NAALADL2: variants seen among roughly 807,000 people sequenced by gnomAD.
NAALADL2 encodes the protein N-acetylated alpha-linked acidic dipeptidase like 2.
In NAALADL2, 76 loss-of-function variants were observed where a neutral mutation model predicts 87.2. That is an observed-to-expected ratio of 0.87 (90% CI 0.72 to 1.05). NAALADL2 has a LOEUF of 1.05. NAALADL2 is among the 50% of genes least tolerant of loss of function. NAALADL2 has a pLI of 0.00. For missense variants in NAALADL2, 1,089 were observed against 945.8 expected (o/e 1.15, Z -1.99); for synonymous variants, 354 against 331.0 (o/e 1.07, Z -0.75).
chr3:175,028,710 A>G (rs1374712990), intron 1 of NAALADL2, among the ~76,000 whole-genome samples: 1 of 152,034 alleles, frequency 6.6e-6, no homozygotes, highest in African/African-American at 2.4e-5. Flanking sequence ...CATAAGCTAA[A>G]TTATCAAAAA....
chr3:175,364,499 C>A (rs980702008), intron 5 of NAALADL2, among the ~76,000 whole-genome samples: 4 of 147,406 alleles, frequency 2.7e-5, no homozygotes, highest in Non-Finnish European at 6.0e-5. Context: ...ACCAGTTATC[C>A]GCTGTTTTTT....
intron 2 of NAALADL2, among the ~76,000 whole-genome samples, chr3:175,196,186 C>A (rs1288750363): frequency 1.3e-5 from 2 of 151,856 alleles, no homozygotes; most frequent in Non-Finnish European, 2.9e-5. Context: ...TGGTGTTTAT[C>A]TTTTCCTTCA....
rs9823763 is a variant in NAALADL2, at chr3:174,843,169, A to G, written c.-9+105423A>G. On this transcript the variant is annotated intron_variant, in intron 3 of 3. Transcript: ENST00000434257. ...ACATTATACGATATTGTTAACCATC[A>G]TCACCCTACTGTACAATAGAGCATC... 4.5e-3 allele frequency among the ~76,000 whole-genome samples: 692 copies of G among 152,246 alleles called. 3 individuals carry two copies. Among genetic ancestry groups the G allele is most frequent in the African/African-American group, 0.016 (654 of 41,560 alleles).
intron 1 of NAALADL2, among the ~76,000 whole-genome samples, chr3:174,454,512 A>C (rs941410276): frequency 6.6e-6 from 1 of 152,178 alleles, no homozygotes; most frequent in Admixed American, 6.5e-5. Flanking sequence ...CAGCAAATGC[A>C]AAAGAATTGA....
chr3:175,695,370 T>A (rs1365603494), intron 11 of NAALADL2, among the ~76,000 whole-genome samples: 1 of 152,176 alleles, frequency 6.6e-6, no homozygotes, highest in Non-Finnish European at 1.5e-5. Flanking sequence ...ATTCTTTGCC[T>A]AGTGAAATAT....
At chr3:174,727,203 T>C (rs563432555) in intron 2 of NAALADL2, among the ~76,000 whole-genome samples, 1 of 152,168 alleles carries the variant, frequency 6.6e-6, no homozygotes, top group Admixed American at 6.5e-5. Context: ...CTTGTTTTTT[T>C]TTCAATATTT....
intron 2 of NAALADL2, among the ~76,000 whole-genome samples, chr3:174,702,904 A>G (rs1729692272): frequency 6.6e-6 from 1 of 152,192 alleles, no homozygotes; most frequent in Non-Finnish European, 1.5e-5. Flanking sequence ...CCTATAAGGG[A>G]AAAGATTAAG....
intron 2 of NAALADL2, among the ~76,000 whole-genome samples, chr3:174,732,247 A>T (rs1001494791): frequency 2.4e-4 from 36 of 152,160 alleles, no homozygotes; most frequent in African/African-American, 8.7e-4. Context: ...GTTCAGTGTA[A>T]TATAGTCTTG....
chr3:175,237,799 AT>A (rs1474146581), intron 3 of NAALADL2, among the ~76,000 whole-genome samples: 2 of 152,140 alleles, frequency 1.3e-5, no homozygotes, highest in Non-Finnish European at 2.9e-5. Flanking sequence ...GGCATGTTGT[AT>A]GACAATTTCT....
intron 5 of NAALADL2, among the ~76,000 whole-genome samples, chr3:175,363,899 G>T (rs1373887656): frequency 6.8e-6 from 1 of 147,982 alleles, no homozygotes; most frequent in African/African-American, 2.5e-5. Flanking sequence ...ACTATCCTGT[G>T]TATTAGAAAT....
chr3:175,616,963 C>G (rs1289945685), intron 10 of NAALADL2, among the ~76,000 whole-genome samples: 3 of 152,032 alleles, frequency 2.0e-5, no homozygotes, highest in African/African-American at 7.2e-5. Context: ...GCCCAAGCTT[C>G]TGGATTAATG....
chr3:175,631,559 G>C (rs1030448252), intron 11 of NAALADL2, among the ~76,000 whole-genome samples: 1 of 151,604 alleles, frequency 6.6e-6, no homozygotes, highest in Non-Finnish European at 1.5e-5. Context: ...ATGCCAATAG[G>C]TGTAATTCAT....
chr3:175,331,477 T>C (rs1761391367), intron 5 of NAALADL2, among the ~76,000 whole-genome samples: 2 of 152,066 alleles, frequency 1.3e-5, no homozygotes, highest in African/African-American at 4.8e-5. Flanking sequence ...AAACATGATA[T>C]ACATGATAAA....
chr3:174,929,554 C>T (rs1483534435), intron 1 of NAALADL2, among the ~76,000 whole-genome samples: 2 of 152,040 alleles, frequency 1.3e-5, no homozygotes, highest in East Asian at 3.9e-4. Flanking sequence ...ATATACAATA[C>T]TATAATTATA....
At chr3:175,009,988 G>A (rs903666722) in intron 1 of NAALADL2, among the ~76,000 whole-genome samples, 1 of 152,044 alleles carries the variant, frequency 6.6e-6, no homozygotes, top group African/African-American at 2.4e-5. Context: ...TCTTGACTAT[G>A]AGCTTAATCA....
intron 2 of NAALADL2, among the ~76,000 whole-genome samples, chr3:174,664,321 C>T (rs1046180560): frequency 5.9e-5 from 9 of 152,108 alleles, no homozygotes; most frequent in African/African-American, 1.2e-4. Context: ...ATTCTTTTAG[C>T]GATCGGACAT....
intron 1 of NAALADL2, among the ~76,000 whole-genome samples, chr3:174,956,742 A>C (rs1320413086): frequency 6.6e-6 from 1 of 152,010 alleles, no homozygotes; most frequent in Non-Finnish European, 1.5e-5. Flanking sequence ...AGTTAGATCA[A>C]GATGATGGAG....
At chr3:174,868,681 G>T (rs545321851) in intron 1 of NAALADL2, among the ~76,000 whole-genome samples, 42 of 152,126 alleles carry the variant, frequency 2.8e-4, no homozygotes, top group Non-Finnish European at 5.0e-4. Context: ...TTGGATGACA[G>T]CAGGAATAGT....
chr3:174,787,203 A>AT (rs1716779907), intron 3 of NAALADL2, among the ~76,000 whole-genome samples: 1 of 151,918 alleles, frequency 6.6e-6, no homozygotes, highest in Non-Finnish European at 1.5e-5. Flanking sequence ...ACATGATAAA[A>AT]TTTTTATTTT....
Sources: allele counts gnomAD v4.1 joint callset (sites outside exome capture counted in the v4.1 genomes callset), GRCh38; gene constraint gnomAD v4.1.1; transcripts MANE v1.5; gene names NCBI Gene and HGNC (gene_info 2026-07-23, HGNC 2026-07-21).